Variants in CTNNA3 observed in about 807,000 individuals in gnomAD.
The protein encoded by CTNNA3 is catenin alpha 3, also known as catenin alpha-3.
Under a neutral mutation model 95.7 loss-of-function variants are expected in CTNNA3, and 76 were observed. The ratio of observed to expected loss-of-function variants is 0.79; its 90% CI spans 0.66 to 0.96. The LOEUF is 0.96. CTNNA3 is among the 40% of genes least tolerant of loss of function. The pLI, the probability that CTNNA3 is intolerant of heterozygous loss-of-function variation, is 0.00. For synonymous variants in CTNNA3, 431 were observed against 374.4 expected, an observed-to-expected ratio of 1.15 and a Z score of -1.74; for missense variants, 1,191 against 1,089.8, an observed-to-expected ratio of 1.09 and a Z score of -1.31.
At chr10:67,620,909 G>A (rs1399324287) in intron 2 of CTNNA3, among the ~76,000 whole-genome samples, 1 of 99,704 alleles carries the variant, frequency 1.0e-5, no homozygotes, top group African/African-American at 4.8e-5. Flanking sequence ...GTATATGTGT[G>A]TGTGTGTGTG....
intron 5 of CTNNA3, among the ~76,000 whole-genome samples, chr10:67,367,579 G>A (rs1222422948): frequency 6.6e-6 from 1 of 152,052 alleles, no homozygotes; most frequent in Admixed American, 6.6e-5. Context: ...ATATCCAAAG[G>A]ACAATTATTC....
chr10:66,663,690 A>G (rs1325058215), intron 9 of CTNNA3, among the ~76,000 whole-genome samples: 1 of 152,130 alleles, frequency 6.6e-6, no homozygotes, highest in Non-Finnish European at 1.5e-5. Context: ...TGAAAGAATC[A>G]CTGAATCAAT....
At chr10:66,179,434 T>C (rs563293354) in intron 13 of CTNNA3, among the ~76,000 whole-genome samples, 6 of 152,188 alleles carry the variant, frequency 3.9e-5, no homozygotes, top group East Asian at 1.9e-4. Context: ...TTTATGGTGA[T>C]GAAAATCGCC....
chr10:66,026,999 A>G lies in CTNNA3; in HGVS notation c.2160-38202T>C, dbSNP rs548987832. 6.5e-3 allele frequency among the ~76,000 whole-genome samples: 990 copies of G among 152,246 alleles called. 4 individuals carry two copies. The highest frequency in any genetic ancestry group is 9.1e-3 in the Non-Finnish European group (621 of 67,962). Reference sequence around the variant, plus strand: ...TTATAAACACTGAAATAAGTCAAATAAGTTAAATAGATAAAATAAAACAAA... The same window carrying G: ...TTATAAACACTGAAATAAGTCAAATGAGTTAAATAGATAAAATAAAACAAA... On this transcript the variant is annotated intron_variant, in intron 15 of 17. Transcript: ENST00000433211.
intron 5 of CTNNA3, among the ~76,000 whole-genome samples, chr10:67,266,186 A>C (rs774043950): frequency 6.6e-6 from 1 of 152,198 alleles, no homozygotes; most frequent in South Asian, 2.1e-4. Context: ...ATCTTAAAAT[A>C]AGGACAGGAT....
At chr10:66,270,059 G>A (rs1182004837) in intron 13 of CTNNA3, among the ~76,000 whole-genome samples, 1 of 152,042 alleles carries the variant, frequency 6.6e-6, no homozygotes, top group Non-Finnish European at 1.5e-5. Context: ...TATATCTCAA[G>A]GTAGTTTCTA....
chr10:66,876,152 C>T (rs1451626478), intron 7 of CTNNA3, among the ~76,000 whole-genome samples: 1 of 152,090 alleles, frequency 6.6e-6, no homozygotes, highest in Non-Finnish European at 1.5e-5. Flanking sequence ...AGGGAAAGAT[C>T]TGATAGTTGG....
In CTNNA3 at chr10:66,663,620, A is replaced by C. The variant is rs569681688; in HGVS notation, c.1282-41836T>G. On this transcript the variant is annotated intron_variant, in intron 9 of 17. Coordinates refer to ENST00000433211, the MANE Select transcript of CTNNA3 (RefSeq NM_013266.4). ...GTTTGCTGCCTTTCTCTCCCACTCT[A>C]CTGGAAACTAACTTCTAAGAAGACT... Among the ~76,000 whole-genome samples, 277 of 152,124 alleles carry C rather than the reference A, an allele frequency of 1.8e-3. 1 individual carries two copies. Among genetic ancestry groups the C allele is most frequent in the African/African-American group, 6.2e-3 (256 of 41,494 alleles).
At chr10:67,431,006 A>G (rs995932744) in intron 5 of CTNNA3, among the ~76,000 whole-genome samples, 1 of 152,088 alleles carries the variant, frequency 6.6e-6, no homozygotes, top group East Asian at 1.9e-4. Context: ...TTGAAACTTC[A>G]GATAGCTCCT....
chr10:66,680,166 G>GT (rs869033643), intron 9 of CTNNA3, among the ~76,000 whole-genome samples: 23 of 98,076 alleles, frequency 2.3e-4, no homozygotes, highest in South Asian at 1.2e-3. Context: ...CCCGACTAAT[G>GT]TTTTTTTTTG....
intron 1 of CTNNA3, among the ~76,000 whole-genome samples, chr10:67,726,265 A>G (rs1289427157): frequency 1.2e-5 from 1 of 84,028 alleles, no homozygotes; most frequent in African/African-American, 5.7e-5. Flanking sequence ...ATTGTATTAC[A>G]TATTATATAT....
chr10:67,455,271 A>G (rs1847129830), intron 5 of CTNNA3, among the ~76,000 whole-genome samples: 1 of 152,174 alleles, frequency 6.6e-6, no homozygotes, highest in South Asian at 2.1e-4. Context: ...TATCTTCTCT[A>G]TCATATTGTA....
intron 16 of CTNNA3, among the ~76,000 whole-genome samples, chr10:65,969,119 A>G (rs2078041717): frequency 1.3e-5 from 2 of 152,172 alleles, no homozygotes; most frequent in African/African-American, 4.8e-5. Context: ...TGAACCGCCC[A>G]ATATGAAACC....
intron 11 of CTNNA3, among the ~76,000 whole-genome samples, chr10:66,433,445 C>A (rs2093313257): frequency 6.6e-6 from 1 of 152,116 alleles, no homozygotes; most frequent in Non-Finnish European, 1.5e-5. Context: ...TAAATGTCTT[C>A]TTTTGAGAAG....
intron 12 of CTNNA3, among the ~76,000 whole-genome samples, chr10:66,331,725 T>C (rs973506364): frequency 1.3e-5 from 2 of 151,978 alleles, no homozygotes; most frequent in African/African-American, 4.8e-5. Context: ...TAGTTTGAAG[T>C]CAGGTAGCGT....
chr10:66,031,137 A>G (rs1304756841), intron 15 of CTNNA3, among the ~76,000 whole-genome samples: 1 of 152,152 alleles, frequency 6.6e-6, no homozygotes, highest in East Asian at 1.9e-4. Context: ...CCAATATGGA[A>G]ACTCGATTGG....
intron 9 of CTNNA3, among the ~76,000 whole-genome samples, chr10:66,660,783 C>T (rs1846236078): frequency 6.6e-6 from 1 of 152,136 alleles, no homozygotes; most frequent in Admixed American, 6.6e-5. Context: ...TCTCTACTCT[C>T]ATTATCCCAT....
chr10:67,713,639 C>T (rs1841125347), intron 1 of CTNNA3, among the ~76,000 whole-genome samples: 1 of 152,144 alleles, frequency 6.6e-6, no homozygotes, highest in Non-Finnish European at 1.5e-5. Context: ...TTTGCAGGGA[C>T]ATGGATGAAG....
chr10:66,127,673 C>T (rs1355474445), intron 13 of CTNNA3, among the ~76,000 whole-genome samples: 1 of 152,122 alleles, frequency 6.6e-6, no homozygotes, highest in African/African-American at 2.4e-5. Context: ...CTGAATAAAT[C>T]ATGAACTTAA....
Sources: gnomAD v4.1 joint callset for allele counts (sites outside exome capture counted in the v4.1 genomes callset) on GRCh38, gnomAD v4.1.1 for gene constraint, MANE v1.5 for transcripts, NCBI Gene and HGNC (gene_info 2026-07-23, HGNC 2026-07-21) for gene names.